BLM: variants seen among roughly 807,000 people sequenced by gnomAD.
The protein encoded by BLM is recQ-like DNA helicase BLM.
In BLM, 95 loss-of-function variants were observed where a neutral mutation model predicts 135.3. That is an observed-to-expected ratio of 0.70 (90% confidence interval 0.59 to 0.83). The LOEUF (loss-of-function observed/expected upper bound fraction) is 0.83. Ranked by LOEUF, BLM falls within the 40% of genes least tolerant of loss-of-function variation. The pLI, the probability that BLM is intolerant of heterozygous loss-of-function variation, is 0.00. For missense variants in BLM, 1,518 were observed against 1,663.9 expected, an observed-to-expected ratio of 0.91 and a Z score of 1.53; for synonymous variants, 520 against 589.2, an observed-to-expected ratio of 0.88 and a Z score of 1.70.
intron 1 of BLM, among the ~76,000 whole-genome samples, chr15:90,746,822 G>C (rs1895513611): frequency 2.6e-5 from 4 of 152,170 alleles, no homozygotes; most frequent in Non-Finnish European, 5.9e-5. Flanking sequence ...TTGTTACACA[G>C]AGATATAAAT....
intron 1 of BLM, among the ~76,000 whole-genome samples, chr15:90,730,941 T>TTTTA (rs1381857501): frequency 6.6e-6 from 1 of 151,800 alleles, no homozygotes; most frequent in Non-Finnish European, 1.5e-5. Context: ...GTATTTTTTA[T>TTTTA]TTTATTTATT....
intron 16 of BLM, among the ~76,000 whole-genome samples, chr15:90,797,919 G>A (rs28385118): frequency 1.3e-5 from 2 of 152,198 alleles, no homozygotes; most frequent in African/African-American, 4.8e-5. Flanking sequence ...GTGTTTGTGT[G>A]TGTGTCTGTG....
chr15:90,721,080 C>T (rs1360371771), intron 1 of BLM, among the ~76,000 whole-genome samples: 2 of 152,050 alleles, frequency 1.3e-5, no homozygotes, highest in Non-Finnish European at 2.9e-5. Flanking sequence ...GTGAATCAGT[C>T]TTTATGCTTG....
Position 90,772,133 on chromosome 15 carries a change from G to A in BLM, c.2555+2547G>A, listed in dbSNP as rs774267005. Among the ~76,000 whole-genome samples, 75 of 152,268 alleles carry A rather than the reference G, an allele frequency of 4.9e-4. No homozygotes were observed. In the Middle Eastern group the frequency reaches 0.017, roughly 35 times the overall value. ...AGGAAATTTTAAGGAATACTTTCTG[G>A]GACTCTGTTTCCTGATCTTTTCTGC... On this transcript the variant is annotated intron_variant, in intron 12 of 21. Coordinates refer to ENST00000355112, the MANE Select transcript of BLM (RefSeq NM_000057.4).
intron 1 of BLM, among the ~76,000 whole-genome samples, chr15:90,724,014 T>C (rs1894839436): frequency 6.6e-6 from 1 of 152,064 alleles, no homozygotes; most frequent in East Asian, 1.9e-4. Context: ...TTAATTGTAT[T>C]GTATTTTATT....
Position 90,803,667 on chromosome 15 carries a change from G to C in BLM, c.3505G>C (p.Ala1169Pro). 1.2e-6 allele frequency: 2 copies of C among 1,614,120 alleles called. No individual in the cohort carries two copies. The highest frequency in any genetic ancestry group is 1.1e-5 in the South Asian group (1 of 91,078). ...TATCAATGCCAATGACCAGGCGATC[G>C]CTTATGTGATGCTCGGAAATAAAGC... Reference protein sequence around the residue: ...LYINANDQAIAYVMLGNKAQT... With the variant: ...LYINANDQAIPYVMLGNKAQT... Residue 1169 changes from alanine to proline, a missense_variant, in exon 18 of 22, where the codon GCT becomes CCT. By Grantham distance (27) the Ala-to-Pro change is conservative. Transcript: ENST00000355112.
intron 19 of BLM, among the ~76,000 whole-genome samples, chr15:90,808,081 C>T (rs1897322152): frequency 6.6e-6 from 1 of 152,222 alleles, no homozygotes; most frequent in Non-Finnish European, 1.5e-5. Flanking sequence ...TAACTGTCCT[C>T]CTTACCTCCA....
At chr15:90,752,261 C>G (rs1460648713) in intron 4 of BLM, among the ~76,000 whole-genome samples, 1 of 151,850 alleles carries the variant, frequency 6.6e-6, no homozygotes, top group Non-Finnish European at 1.5e-5. Context: ...CTGCAGCCTC[C>G]ACCTCCCGGG....
chr15:90,782,938 G>A lies in BLM; in HGVS notation c.2662+10G>A. On this transcript the variant is annotated intron_variant, in intron 13 of 21. Transcript: ENST00000355112. ...AGAAAGCACCACCCATGTGAGTACA[G>A]CCATGTGATTAGCTGTCTAGAAGTA... 2 of 1,583,640 alleles carry A rather than the reference G, an allele frequency of 1.3e-6. No individual in the cohort carries two copies. Among genetic ancestry groups the A allele is most frequent in the South Asian group, 2.2e-5 (2 of 90,402 alleles).
Position 90,784,718 on chromosome 15 carries a change from C to T in BLM, c.2663-203C>T, listed in dbSNP as rs1029228478. Among the ~76,000 whole-genome samples the T allele has an allele frequency of 5.3e-5, 8 of 151,950 alleles. No homozygotes were observed. The East Asian group carries it at 1.5e-3, about 29-fold the overall frequency. ...CCAGGTCCACCTCACGAGTCATTAG[C>T]AGCGACAGGATTAAAAGCCACATCT... On this transcript the variant is annotated intron_variant, in intron 13 of 21. Transcript: ENST00000355112.
intron 1 of BLM, among the ~76,000 whole-genome samples, chr15:90,742,051 C>T (rs921668757): frequency 2.0e-5 from 3 of 152,006 alleles, no homozygotes; most frequent in Non-Finnish European, 2.9e-5. Context: ...AAACCATGAA[C>T]GAAGAGAACA....
At chr15:90,812,118 G>A (rs568494465) in intron 21 of BLM, among the ~76,000 whole-genome samples, 3 of 152,228 alleles carry the variant, frequency 2.0e-5, no homozygotes, top group East Asian at 3.9e-4. Context: ...TTGTGTCCTC[G>A]TGGCTTTTAC....
chr15:90,794,373 T>C lies in BLM; in HGVS notation c.3210+16T>C. The C allele has an allele frequency of 6.6e-7, 1 of 1,510,050 alleles. No homozygotes were observed. The highest frequency in any genetic ancestry group is 8.9e-7 in the Non-Finnish European group (1 of 1,126,704). 93.5% of individuals were successfully genotyped at this position (1,510,050 alleles called of 1,614,324 possible). A position where few individuals can be genotyped will look rare whatever the true frequency, so the allele number is the denominator to read the frequency against. On this transcript the variant is annotated intron_variant, in intron 16 of 21. Coordinates refer to ENST00000355112, the MANE Select transcript of BLM (RefSeq NM_000057.4). The stretch of plus-strand genomic sequence containing the variant: ...TAAAACAAAGGTAAAAAAAGAAGTT[T>C]TAAAATTCTTTATAATTAAATTTTT...
intron 1 of BLM, among the ~76,000 whole-genome samples, chr15:90,725,016 C>G (rs768489758): frequency 3.9e-5 from 6 of 152,112 alleles, no homozygotes; most frequent in Non-Finnish European, 7.3e-5. Context: ...TCAAGAGATT[C>G]TCATGTCTCA....
chr15:90,780,209 T>C (rs1896585455), intron 12 of BLM, among the ~76,000 whole-genome samples: 1 of 151,740 alleles, frequency 6.6e-6, no homozygotes, highest in South Asian at 2.1e-4. Context: ...CTCAGCCTCC[T>C]GAGTAGCTGG....
At chr15:90,770,017 C>T (rs1390535112) in intron 12 of BLM, among the ~76,000 whole-genome samples, 1 of 152,118 alleles carries the variant, frequency 6.6e-6, no homozygotes, top group East Asian at 1.9e-4. Flanking sequence ...GTCATTTCCC[C>T]CTAAGGTCCC....
chr15:90,768,304 A>G (rs1469845007), intron 10 of BLM, among the ~76,000 whole-genome samples: 4 of 152,146 alleles, frequency 2.6e-5, no homozygotes, highest in Admixed American at 2.0e-4. Flanking sequence ...GTTACATTCA[A>G]TTATCAAGTA....
chr15:90,740,166 C>T (rs1055053090), intron 1 of BLM, among the ~76,000 whole-genome samples: 2 of 152,134 alleles, frequency 1.3e-5, no homozygotes, highest in African/African-American at 4.8e-5. Flanking sequence ...CAACCATCAC[C>T]GCAATCAATG....
chr15:90,763,236 C>A (rs1363836949), intron 8 of BLM, 79 bp downstream of exon 8: 5 of 1,423,940 alleles, frequency 3.5e-6, no homozygotes, highest in African/African-American at 1.4e-5. Context: ...AATAAAAAGA[C>A]CACCTACACA....
Sources: gnomAD v4.1 joint callset for allele counts (sites outside exome capture counted in the v4.1 genomes callset) on GRCh38, gnomAD v4.1.1 for gene constraint, MANE v1.5 for transcripts, NCBI Gene and HGNC (gene_info 2026-07-23, HGNC 2026-07-21) for gene names.